CELF2: variants seen among roughly 807,000 people sequenced by gnomAD.
CELF2 encodes CUGBP Elav-like family member 2.
In CELF2, 8 loss-of-function variants were observed where a neutral mutation model predicts 62.6. That is an observed-to-expected ratio of 0.13 (90% CI 0.07 to 0.23). The LOEUF is 0.23. CELF2 is among the 10% of genes least tolerant of loss of function. CELF2 has a pLI of 1.00. For missense variants in CELF2, 333 were observed against 671.0 expected (o/e 0.50, Z 5.56); for synonymous variants, 258 against 250.0 (o/e 1.03, Z -0.30).
intron 2 of CELF2, among the ~76,000 whole-genome samples, chr10:11,195,264 A>T (rs553350637): frequency 1.4e-4 from 21 of 152,128 alleles, no homozygotes; most frequent in Admixed American, 9.8e-4. Context: ...GTTAACTGCT[A>T]TTTGGCTCAT....
At chr10:11,196,501 C>CA (rs58028651) in intron 2 of CELF2, among the ~76,000 whole-genome samples, 2,775 of 150,964 alleles carry the variant, frequency 0.018, 85 homozygotes, top group African/African-American at 0.064. Flanking sequence ...CCCAGCTCTG[C>CA]AAAAAAAATA....
chr10:10,998,579 C>A (rs915575452), intron 2 of CELF2, among the ~76,000 whole-genome samples: 1 of 152,086 alleles, frequency 6.6e-6, no homozygotes, highest in African/African-American at 2.4e-5. Context: ...TAATAGCAGG[C>A]AGAGGATAGA....
chr10:11,034,019 T>C (rs2060561104), intron 1 of CELF2, among the ~76,000 whole-genome samples: 2 of 152,310 alleles, frequency 1.3e-5, no homozygotes, highest in Middle Eastern at 3.4e-3. Flanking sequence ...ACACAAATAT[T>C]TAGTCTCTAA....
the CELF2 span, among the ~76,000 whole-genome samples, chr10:10,629,534 C>G: frequency 1.3e-5 from 2 of 152,000 alleles, no homozygotes; most frequent in Non-Finnish European, 2.9e-5. Flanking sequence ...TTTAAGCCTC[C>G]CTTTATATCA....
chr10:10,502,570 C>T, the CELF2 span, among the ~76,000 whole-genome samples: 1 of 151,844 alleles, frequency 6.6e-6, no homozygotes, highest in Non-Finnish European at 1.5e-5. Context: ...ATTCATAATA[C>T]ATTATTTCCT....
chr10:10,601,096 AAAG>A, the CELF2 span, among the ~76,000 whole-genome samples: 1 of 152,204 alleles, frequency 6.6e-6, no homozygotes, highest in Non-Finnish European at 1.5e-5. Flanking sequence ...TTCCATAGTT[AAAG>A]AGATCTGTCG....
chr10:10,835,141 A>C (rs530672919), intron 1 of CELF2, among the ~76,000 whole-genome samples: 5 of 152,096 alleles, frequency 3.3e-5, no homozygotes, highest in African/African-American at 1.2e-4. Context: ...TTGTGGCCAG[A>C]TGTTTTTTTT....
chr10:10,627,463 C>T, the CELF2 span, among the ~76,000 whole-genome samples: 349 of 152,302 alleles, frequency 2.3e-3, 1 homozygote, highest in African/African-American at 8.0e-3. Context: ...CAGGAGTTCA[C>T]CTCTCTAGAA....
chr10:10,684,851 C>T, the CELF2 span, among the ~76,000 whole-genome samples: 21 of 152,218 alleles, frequency 1.4e-4, no homozygotes, highest in Admixed American at 1.3e-3. Flanking sequence ...GAAACAGGTG[C>T]ATAGTCAACA....
In CELF2 at chr10:10,924,281, CA is replaced by C. The variant is rs11415164; in HGVS notation, c.89+4311del. On this transcript the variant is annotated intron_variant, in intron 2 of 13. Coordinates refer to the CELF2 transcript ENST00000636488. The stretch of plus-strand genomic sequence containing the variant: ...TGGGCAACACAGCGAGACTCCGTCC[CA>C]AAAAAAAAAAAAAAAAAAAAAAAAA... Among the ~76,000 whole-genome samples, 169 of 45,082 alleles carry C rather than the reference CA, an allele frequency of 3.7e-3. 3 individuals are homozygous for C. The highest frequency in any genetic ancestry group is 0.01 in the African/African-American group (121 of 11,618). The allele number at this position is 45,082 out of a possible 152,430, so 29.6% of individuals were successfully genotyped here.
At chr10:11,249,097 A>C (rs749825844) in intron 3 of CELF2, 56 bp from the exon 4 acceptor site, 35 of 1,389,152 alleles carry the variant, frequency 2.5e-5, no homozygotes, top group Non-Finnish European at 3.5e-5. Context: ...CAGATTTCTG[A>C]GATGATTTTT....
At chr10:10,877,009 G>C (rs145712896) in intron 1 of CELF2, among the ~76,000 whole-genome samples, 704 of 152,314 alleles carry the variant, frequency 4.6e-3, no homozygotes, top group Middle Eastern at 0.017. Flanking sequence ...CACTCCTCTA[G>C]AGTACTGGCA....
intron 1 of CELF2, among the ~76,000 whole-genome samples, chr10:10,807,717 C>A (rs2055377885): frequency 6.6e-6 from 1 of 152,146 alleles, no homozygotes; most frequent in Non-Finnish European, 1.5e-5. Flanking sequence ...AAAGAGCCAG[C>A]AATATTCCAA....
the CELF2 span, among the ~76,000 whole-genome samples, chr10:10,542,746 C>T: frequency 1.3e-5 from 2 of 152,154 alleles, no homozygotes; most frequent in Non-Finnish European, 2.9e-5. Context: ...CAAGCCCTAG[C>T]CATTTTAGTC....
At chr10:11,115,917 C>T (rs528485385) in intron 1 of CELF2, among the ~76,000 whole-genome samples, 2 of 152,264 alleles carry the variant, frequency 1.3e-5, no homozygotes, top group East Asian at 3.9e-4. Flanking sequence ...GTACCACCTT[C>T]CTTTGTAATA....
At chr10:11,240,677 T>G (rs1189707691) in intron 3 of CELF2, among the ~76,000 whole-genome samples, 5 of 152,238 alleles carry the variant, frequency 3.3e-5, no homozygotes, top group African/African-American at 4.8e-5. Context: ...CAGTAATTTT[T>G]GTTCTTGGGC....
chr10:10,809,705 A>G (rs569213101), intron 1 of CELF2, among the ~76,000 whole-genome samples: 77 of 152,346 alleles, frequency 5.1e-4, no homozygotes, highest in Non-Finnish European at 8.5e-4. Flanking sequence ...AAGTAACTGA[A>G]AAGATTTTGG....
intron 2 of CELF2, among the ~76,000 whole-genome samples, chr10:11,170,600 T>C (rs2068553742): frequency 6.6e-6 from 1 of 151,878 alleles, no homozygotes; most frequent in Admixed American, 6.6e-5. Flanking sequence ...GGGTAGCAGA[T>C]ATGCTAGGAA....
At chr10:11,171,824 C>T (rs974052246) in intron 2 of CELF2, among the ~76,000 whole-genome samples, 13 of 148,900 alleles carry the variant, frequency 8.7e-5, no homozygotes, top group African/African-American at 3.3e-4. Flanking sequence ...GCGGGTTGAT[C>T]ATCTTACAAA....
Sources: gnomAD v4.1 joint callset for allele counts (sites outside exome capture counted in the v4.1 genomes callset) on GRCh38, gnomAD v4.1.1 for gene constraint, MANE v1.5 for transcripts, NCBI Gene and HGNC (gene_info 2026-07-23, HGNC 2026-07-21) for gene names.